Variants in ANKS1B observed in about 807,000 individuals in gnomAD.
ANKS1B encodes ankyrin repeat and sterile alpha motif domain containing 1B, also known as ankyrin repeat and sterile alpha motif domain-containing protein 1B.
A neutral mutation model predicts 148.3 loss-of-function variants in ANKS1B; 36 were observed. The observed-to-expected ratio is 0.24, with a 90% CI of 0.19 to 0.32. The LOEUF is 0.32. Ranked by LOEUF, ANKS1B falls within the 10% of genes least tolerant of loss-of-function variation. The probability of loss-of-function intolerance (pLI) is 1.00; values close to 1 mark genes in which losing one functional copy is unlikely to be tolerated. For missense variants in ANKS1B, 1,157 were observed against 1,542.6 expected (o/e 0.75, Z 4.19); for synonymous variants, 542 against 560.8 (o/e 0.97, Z 0.47).
At chr12:99,227,589 T>C (rs2086150608) in intron 14 of ANKS1B, among the ~76,000 whole-genome samples, 2 of 152,140 alleles carry the variant, frequency 1.3e-5, no homozygotes, top group Admixed American at 1.3e-4. Context: ...GGGCAAGAAA[T>C]GGGCAATTGT....
At chr12:99,056,616 C>A (rs976718598) in intron 16 of ANKS1B, among the ~76,000 whole-genome samples, 2 of 152,156 alleles carry the variant, frequency 1.3e-5, no homozygotes, top group African/African-American at 2.4e-5. Flanking sequence ...GCATTCAAGG[C>A]CGATTGAGAT....
At chr12:99,678,839 C>A (rs977388155) in intron 8 of ANKS1B, among the ~76,000 whole-genome samples, 1 of 151,960 alleles carries the variant, frequency 6.6e-6, no homozygotes, top group Non-Finnish European at 1.5e-5. Flanking sequence ...GATCAACAAA[C>A]CATTTTATGA....
At chr12:99,632,727 C>CTAGATATATATATATATATATA (rs1419756181) in intron 9 of ANKS1B, among the ~76,000 whole-genome samples, 15 of 39,042 alleles carry the variant, frequency 3.8e-4, no homozygotes, top group East Asian at 3.1e-3. Context: ...CCTTTTCTTT[C>CTAGATATATATATATATATATA]TATATATATA....
chr12:99,119,816 G>A (rs1028197685), intron 15 of ANKS1B, among the ~76,000 whole-genome samples: 2 of 152,116 alleles, frequency 1.3e-5, no homozygotes, highest in Admixed American at 6.5e-5. Context: ...GATTGCAACT[G>A]TAATTGAAAC....
chr12:99,469,563 A>C (rs1186825205), intron 10 of ANKS1B, among the ~76,000 whole-genome samples: 1 of 152,120 alleles, frequency 6.6e-6, no homozygotes, highest in East Asian at 1.9e-4. Flanking sequence ...AGTAGAATTC[A>C]CTTTATTAGG....
chr12:98,836,917 G>A (rs145427078), intron 17 of ANKS1B, among the ~76,000 whole-genome samples: 3 of 152,298 alleles, frequency 2.0e-5, no homozygotes, highest in Non-Finnish European at 2.9e-5. Context: ...TCTATGAACA[G>A]AGCTTACAAT....
chr12:99,199,802 T>C (rs2081844625), intron 14 of ANKS1B, among the ~76,000 whole-genome samples: 4 of 152,202 alleles, frequency 2.6e-5, no homozygotes, highest in Admixed American at 1.3e-4. Flanking sequence ...ATATTTTTCT[T>C]ATTTTAGAGA....
intron 1 of ANKS1B, among the ~76,000 whole-genome samples, chr12:99,894,916 T>C (rs1005707828): frequency 1.3e-5 from 2 of 150,664 alleles, no homozygotes; most frequent in African/African-American, 2.4e-5. Context: ...TGAGCTACAA[T>C]AGTCAGTAGG....
intron 8 of ANKS1B, among the ~76,000 whole-genome samples, chr12:99,760,304 T>C (rs2061964344): frequency 6.6e-6 from 1 of 151,778 alleles, no homozygotes; most frequent in African/African-American, 2.4e-5. Flanking sequence ...CGAGTCTCAA[T>C]AAATTCAAAA....
chr12:99,025,733 G>A (rs1481521434), intron 17 of ANKS1B, among the ~76,000 whole-genome samples: 2 of 152,160 alleles, frequency 1.3e-5, no homozygotes, highest in South Asian at 2.1e-4. Context: ...AATAATGTTA[G>A]TGACCTGCAG....
At chr12:98,928,907 T>C (rs1042964815) in intron 17 of ANKS1B, among the ~76,000 whole-genome samples, 7 of 152,054 alleles carry the variant, frequency 4.6e-5, no homozygotes, top group African/African-American at 1.7e-4. Flanking sequence ...TGGTCACTTC[T>C]ATTCAATATA....
chr12:99,303,716 T>C (rs1002049487), intron 12 of ANKS1B, among the ~76,000 whole-genome samples: 1 of 152,128 alleles, frequency 6.6e-6, no homozygotes, highest in Non-Finnish European at 1.5e-5. Context: ...TTCTGAGATT[T>C]TGGTGCACCC....
chr12:99,181,181 A>G (rs184371426), intron 14 of ANKS1B, among the ~76,000 whole-genome samples: 4 of 152,042 alleles, frequency 2.6e-5, no homozygotes, highest in African/African-American at 7.2e-5. Flanking sequence ...TCTCTTGTCA[A>G]TCCATGTTCT....
intron 17 of ANKS1B, among the ~76,000 whole-genome samples, chr12:99,046,657 A>G (rs2099962572): frequency 6.6e-6 from 1 of 151,930 alleles, no homozygotes; most frequent in African/African-American, 2.4e-5. Context: ...AAATTAGCTG[A>G]GTAAGGTGGT....
chr12:99,283,146 A>C (rs536259402), intron 12 of ANKS1B, among the ~76,000 whole-genome samples: 1 of 152,278 alleles, frequency 6.6e-6, no homozygotes, highest in South Asian at 2.1e-4. Flanking sequence ...AAAAATACAG[A>C]AAATAATTCC....
intron 14 of ANKS1B, among the ~76,000 whole-genome samples, chr12:99,183,869 C>T (rs1043656332): frequency 2.6e-5 from 4 of 152,112 alleles, no homozygotes; most frequent in Non-Finnish European, 4.4e-5. Context: ...GAAGGACTGA[C>T]AATCTATGAA....
At chr12:99,217,991 A>G (rs1347088366) in intron 14 of ANKS1B, among the ~76,000 whole-genome samples, 1 of 152,132 alleles carries the variant, frequency 6.6e-6, no homozygotes, top group Non-Finnish European at 1.5e-5. Flanking sequence ...ATGTTAAGAC[A>G]AGGGCACAGA....
chr12:99,817,922 T>A (rs938887604), intron 2 of ANKS1B, among the ~76,000 whole-genome samples: 11 of 151,850 alleles, frequency 7.2e-5, no homozygotes, highest in Non-Finnish European at 1.3e-4. Flanking sequence ...GCTAGATAGA[T>A]AGTCTGCAAA....
chr12:99,220,859 C>A lies in ANKS1B; in HGVS notation c.2419+23483G>T, dbSNP rs1039383168. ...AATAAAGTTTGATTCATACCTCATTCCTTATACAACAGTAAATTACATAGA... is the reference window on the plus strand; with the variant it reads ...AATAAAGTTTGATTCATACCTCATTACTTATACAACAGTAAATTACATAGA... On this transcript the variant is annotated intron_variant, in intron 14 of 26. Coordinates refer to ENST00000683438, the MANE Select transcript of ANKS1B (RefSeq NM_001352186.2). Among the ~76,000 whole-genome samples the A allele has an allele frequency of 2.6e-5, 4 of 152,040 alleles. No homozygotes were observed. In the East Asian group the frequency reaches 7.7e-4, roughly 29 times the overall value.
Sources: gnomAD v4.1 joint callset for allele counts (sites outside exome capture counted in the v4.1 genomes callset) on GRCh38, gnomAD v4.1.1 for gene constraint, MANE v1.5 for transcripts, NCBI Gene and HGNC (gene_info 2026-07-23, HGNC 2026-07-21) for gene names.